Variants in AXDND1 observed in about 807,000 individuals in gnomAD.
AXDND1 encodes the protein axonemal dynein light chain domain containing 1.
A neutral mutation model predicts 137.5 loss-of-function variants in AXDND1; 110 were observed. The observed-to-expected ratio is 0.80, with a 90% CI of 0.69 to 0.94. AXDND1 has a LOEUF of 0.94. Ranked by LOEUF, AXDND1 falls within the 40% of genes least tolerant of loss-of-function variation. The pLI, the probability that AXDND1 is intolerant of heterozygous loss-of-function variation, is 0.00. For missense variants in AXDND1, 1,191 were observed against 1,169.8 expected, an observed-to-expected ratio of 1.02 and a Z score of -0.26; for synonymous variants, 414 against 399.7, an observed-to-expected ratio of 1.04 and a Z score of -0.43.
At chr1:179,543,383 G>C (rs1672345086) in intron 25 of AXDND1, 1 of 152,184 alleles carries the variant, frequency 6.6e-6, no homozygotes, top group Admixed American at 6.5e-5. Context: ...GTAATACAAA[G>C]TGCAAATAGT....
intron 16 of AXDND1, among the ~76,000 whole-genome samples, chr1:179,447,419 A>T (rs1250544453): frequency 1.3e-5 from 2 of 152,242 alleles, no homozygotes; most frequent in Non-Finnish European, 2.9e-5. Context: ...AAATTTCCAT[A>T]ATCTGATTTT....
chr1:179,474,246 G>A (rs1664335539), intron 17 of AXDND1, among the ~76,000 whole-genome samples: 1 of 151,846 alleles, frequency 6.6e-6, no homozygotes, highest in Non-Finnish European at 1.5e-5. Flanking sequence ...ACCTAGTCTT[G>A]GGTAGTTTTT....
chr1:179,530,190 C>T (rs189136885), intron 23 of AXDND1, among the ~76,000 whole-genome samples: 129 of 152,150 alleles, frequency 8.5e-4, no homozygotes, highest in African/African-American at 3.0e-3. Flanking sequence ...CCACCATGCC[C>T]GGCTAATTTT....
In AXDND1 at chr1:179,458,366, C is replaced by G. The variant is rs370474541; in HGVS notation, c.1799-10077C>G. ...ATAATTTTAAGATTCTTAAATAATT[C>G]GAAGCCTTAGAACAATATGGAAAAT... On this transcript the variant is annotated intron_variant, in intron 16 of 25. Coordinates refer to ENST00000367618, the MANE Select transcript of AXDND1 (RefSeq NM_144696.6). 2.0e-5 allele frequency among the ~76,000 whole-genome samples: 3 copies of G among 152,070 alleles called. No individual in the cohort carries two copies. In the East Asian group the frequency reaches 5.8e-4, roughly 29 times the overall value.
intron 23 of AXDND1, among the ~76,000 whole-genome samples, chr1:179,530,608 G>T (rs1162265893): frequency 6.6e-6 from 1 of 151,838 alleles, no homozygotes; most frequent in African/African-American, 2.4e-5. Context: ...GTGCCATGTG[G>T]ATAGCCCAGG....
intron 17 of AXDND1, among the ~76,000 whole-genome samples, chr1:179,477,665 A>T (rs1664806244): frequency 6.6e-6 from 1 of 152,156 alleles, no homozygotes; most frequent in Non-Finnish European, 1.5e-5. Context: ...GACACAGCCA[A>T]ACCATATCAT....
At chr1:179,407,225 T>C (rs1025426888) in intron 11 of AXDND1, among the ~76,000 whole-genome samples, 5 of 151,864 alleles carry the variant, frequency 3.3e-5, no homozygotes, top group Non-Finnish European at 5.9e-5. Context: ...GGGTTTTTTT[T>C]CTTTCTTTTT....
At chr1:179,498,857 CA>C (rs1667717610) in intron 20 of AXDND1, among the ~76,000 whole-genome samples, 1 of 151,900 alleles carries the variant, frequency 6.6e-6, no homozygotes, top group Non-Finnish European at 1.5e-5. Flanking sequence ...CAAGTAAATA[CA>C]AATCAAAACC....
chr1:179,494,351 C>G (rs1319696784), intron 20 of AXDND1, among the ~76,000 whole-genome samples: 2 of 152,004 alleles, frequency 1.3e-5, no homozygotes, highest in African/African-American at 4.8e-5. Flanking sequence ...TGATGTTGAA[C>G]TTCTTTTCAT....
chr1:179,506,939 C>A (rs181107305), intron 20 of AXDND1: 153 of 977,012 alleles, frequency 1.6e-4, no homozygotes, highest in Non-Finnish European at 1.8e-4. Flanking sequence ...AAATTCAAGC[C>A]CCAGCTTTCC....
Position 179,461,926 on chromosome 1 carries a change from C to G in AXDND1, c.1799-6517C>G, listed in dbSNP as rs549209587. 3.4e-4 allele frequency among the ~76,000 whole-genome samples: 52 copies of G among 152,294 alleles called. 1 individual carries two copies. In the South Asian group the frequency reaches 0.01, roughly 30 times the overall value. ...CTGAGACTTTGCTGAAGTTGCTGATCAGCTTAAGGAGATTTTGGGCTGAGA... is the reference window on the plus strand; with the variant it reads ...CTGAGACTTTGCTGAAGTTGCTGATGAGCTTAAGGAGATTTTGGGCTGAGA... On this transcript the variant is annotated intron_variant, in intron 16 of 25. Coordinates refer to ENST00000367618, the MANE Select transcript of AXDND1 (RefSeq NM_144696.6).
chr1:179,452,407 C>CATTTTCTGA (rs1558198584), intron 16 of AXDND1: 1 of 151,710 alleles, frequency 6.6e-6, no homozygotes, highest in African/African-American at 2.5e-5. Flanking sequence ...AAGAAAATCC[C>CATTTTCTGA]GCCGGGCGCG....
rs111281666 is a variant in AXDND1 at position 179,441,940 on chromosome 1, G to A, written c.1564-3030G>A. Among the ~76,000 whole-genome samples the A allele has an allele frequency of 3.8e-3, 584 of 152,336 alleles. 4 individuals are homozygous for A. The highest frequency in any genetic ancestry group is 0.013 in the African/African-American group (546 of 41,578). On this transcript the variant is annotated intron_variant, in intron 15 of 25. Transcript: ENST00000367618. ...CTCATCAAAGGGTAAAAGACGCATA[G>A]CACCAAACACAGATTCTAGCAATCT...
chr1:179,522,234 A>T (rs1670133077), intron 21 of AXDND1, among the ~76,000 whole-genome samples: 1 of 152,074 alleles, frequency 6.6e-6, no homozygotes, highest in Non-Finnish European at 1.5e-5. Context: ...TATCCAGTTC[A>T]CTAATTTGCC....
chr1:179,494,452 T>C (rs1403062137), intron 20 of AXDND1, among the ~76,000 whole-genome samples: 1 of 152,208 alleles, frequency 6.6e-6, no homozygotes, highest in African/African-American at 2.4e-5. Context: ...TTCCTTATTA[T>C]TGAGTTTAGA....
intron 11 of AXDND1, among the ~76,000 whole-genome samples, chr1:179,399,321 G>T (rs543086098): frequency 1.8e-4 from 28 of 152,198 alleles, no homozygotes; most frequent in Admixed American, 1.8e-3. Flanking sequence ...AAAACATAAA[G>T]TGGGGAAAGG....
chr1:179,546,294 A>T (rs536973168), intron 25 of AXDND1: 1 of 143,000 alleles, frequency 7.0e-6, no homozygotes, highest in Non-Finnish European at 1.5e-5. Context: ...GGAAGACATA[A>T]TGAGTGTTAG....
chr1:179,427,538 A>G (rs961130415), intron 12 of AXDND1, among the ~76,000 whole-genome samples: 7 of 152,204 alleles, frequency 4.6e-5, no homozygotes, highest in African/African-American at 1.4e-4. Flanking sequence ...AAATATCTCA[A>G]CGATTGAGAA....
At chr1:179,368,687 A>T in intron 2 of AXDND1, 113 bp from the exon 3 acceptor site, 2 of 814,778 alleles carry the variant, frequency 2.5e-6, no homozygotes, top group Non-Finnish European at 3.8e-6. Flanking sequence ...TGTCAAATAG[A>T]AGCAATGTTT....
Sources: gnomAD v4.1 joint callset for allele counts (sites outside exome capture counted in the v4.1 genomes callset) on GRCh38, gnomAD v4.1.1 for gene constraint, MANE v1.5 for transcripts, NCBI Gene and HGNC (gene_info 2026-07-23, HGNC 2026-07-21) for gene names.